DOK6: variants seen among roughly 807,000 people sequenced by gnomAD.
DOK6 encodes the protein docking protein 6, also known as downstream of tyrosine kinase 6.
DOK6 carries 22 observed loss-of-function variants against 44.0 expected under a neutral mutation model. That is an observed-to-expected ratio of 0.50 (90% CI 0.36 to 0.71). DOK6 has a LOEUF of 0.71. DOK6 is among the 30% of genes least tolerant of loss of function. The pLI is 0.00. For synonymous variants in DOK6, 166 were observed against 145.5 expected, an observed-to-expected ratio of 1.14 and a Z score of -1.01; for missense variants, 340 against 416.4, an observed-to-expected ratio of 0.82 and a Z score of 1.60.
At chr18:69,539,901 A>T (rs1982223296) in intron 1 of DOK6, among the ~76,000 whole-genome samples, 1 of 152,150 alleles carries the variant, frequency 6.6e-6, no homozygotes, top group Non-Finnish European at 1.5e-5. Context: ...ACTGGGAAAG[A>T]GGTATAATTG....
At chr18:69,726,264 C>T (rs1320438823) in intron 5 of DOK6, among the ~76,000 whole-genome samples, 7 of 152,136 alleles carry the variant, frequency 4.6e-5, no homozygotes, top group African/African-American at 1.4e-4. Flanking sequence ...CACTGAATAA[C>T]GCTCTTGTTT....
intron 6 of DOK6, among the ~76,000 whole-genome samples, chr18:69,746,010 T>G (rs1978972639): frequency 6.6e-6 from 1 of 152,160 alleles, no homozygotes; most frequent in Non-Finnish European, 1.5e-5. Context: ...ACTAAGAAAT[T>G]TAACGTTTTA....
chr18:69,758,217 ATC>A (rs1979424074), intron 7 of DOK6, among the ~76,000 whole-genome samples: 2 of 152,166 alleles, frequency 1.3e-5, no homozygotes, highest in Non-Finnish European at 2.9e-5. Flanking sequence ...CTTTTTTCGC[ATC>A]TTTTTTTCCT....
intron 1 of DOK6, among the ~76,000 whole-genome samples, chr18:69,411,133 TCAAG>T (rs542553820): frequency 3.9e-4 from 60 of 152,246 alleles, no homozygotes; most frequent in African/African-American, 1.3e-3. Context: ...AAAGTGACCA[TCAAG>T]CTGACAAGTC....
At chr18:69,771,979 A>G (rs1979898600) in intron 7 of DOK6, among the ~76,000 whole-genome samples, 1 of 151,366 alleles carries the variant, frequency 6.6e-6, no homozygotes, top group African/African-American at 2.4e-5. Context: ...AAAACATAGA[A>G]CATTCTAGGC....
At chr18:69,812,176 G>A (rs1439015952) in intron 7 of DOK6, among the ~76,000 whole-genome samples, 1 of 152,018 alleles carries the variant, frequency 6.6e-6, no homozygotes, top group Non-Finnish European at 1.5e-5. Flanking sequence ...GAATCTTAGC[G>A]TTGTCAGAGA....
chr18:69,793,783 C>G (rs971150846), intron 7 of DOK6, among the ~76,000 whole-genome samples: 1 of 151,714 alleles, frequency 6.6e-6, no homozygotes, highest in Non-Finnish European at 1.5e-5. Context: ...TTTTGCACAT[C>G]TAGAGAGAAA....
chr18:69,820,399 C>T (rs1049527671), intron 7 of DOK6, among the ~76,000 whole-genome samples: 1 of 152,130 alleles, frequency 6.6e-6, no homozygotes, highest in African/African-American at 2.4e-5. Context: ...ATAATTTTTC[C>T]TAGTAATACA....
chr18:69,743,871 T>A (rs1418853264), intron 6 of DOK6, among the ~76,000 whole-genome samples: 2 of 151,020 alleles, frequency 1.3e-5, no homozygotes, highest in Non-Finnish European at 2.9e-5. Flanking sequence ...GTAATCCCCA[T>A]CTCCTGCTCA....
chr18:69,508,703 G>T lies in DOK6; in HGVS notation c.67-55784G>T, dbSNP rs115715461. 3.4e-3 allele frequency among the ~76,000 whole-genome samples: 521 copies of T among 152,272 alleles called. 3 individuals are homozygous for T. The highest frequency in any genetic ancestry group is 0.012 in the African/African-American group (495 of 41,568). Reference sequence around the variant, plus strand: ...AAGTTTGGCACTAAGTGTATTTATGGATCTACAGCGCCATTGCATACTATA... The same window carrying T: ...AAGTTTGGCACTAAGTGTATTTATGTATCTACAGCGCCATTGCATACTATA... On this transcript the variant is annotated intron_variant, in intron 1 of 7. Coordinates refer to ENST00000382713, the MANE Select transcript of DOK6 (RefSeq NM_152721.6).
At chr18:69,433,964 T>G (rs1333809403) in intron 1 of DOK6, among the ~76,000 whole-genome samples, 1 of 152,224 alleles carries the variant, frequency 6.6e-6, no homozygotes, top group Non-Finnish European at 1.5e-5. Flanking sequence ...TGTACTAACT[T>G]TATAGCCTCA....
At chr18:69,513,630 C>A (rs1420184614) in intron 1 of DOK6, among the ~76,000 whole-genome samples, 1 of 152,156 alleles carries the variant, frequency 6.6e-6, no homozygotes, top group Non-Finnish European at 1.5e-5. Flanking sequence ...ATCTGAAAAT[C>A]TTGCATAATG....
chr18:69,766,685 GA>G (rs977950241), intron 7 of DOK6, among the ~76,000 whole-genome samples: 4 of 152,098 alleles, frequency 2.6e-5, no homozygotes, highest in African/African-American at 9.7e-5. Flanking sequence ...GGAGGAAGAG[GA>G]GAGGCTGGTC....
intron 1 of DOK6, among the ~76,000 whole-genome samples, chr18:69,452,600 C>A (rs1255349338): frequency 7.1e-6 from 1 of 141,786 alleles, no homozygotes. Flanking sequence ...TGGGCAGAGA[C>A]ACAACCAAAA....
rs1982249115 is a variant in DOK6, at chr18:69,842,326, C to T, written c.*943C>T. 1 of 152,278 alleles carries T rather than the reference C, an allele frequency of 6.6e-6. No homozygotes were observed. The highest frequency in any genetic ancestry group is 2.4e-5 in the African/African-American group (1 of 41,552). The allele number at this position is 152,278 out of a possible 1,614,324, so 9.4% of individuals were successfully genotyped here. ...CGTTTCCTTGTTGCTGACAATGTTG[C>T]TCCCTGTGGCCATCCATCTGAGCTA... On this transcript the variant is annotated 3_prime_UTR_variant, in exon 8 of 8. Coordinates refer to ENST00000382713, the MANE Select transcript of DOK6 (RefSeq NM_152721.6).
At chr18:69,466,616 A>AT (rs1231602255) in intron 1 of DOK6, among the ~76,000 whole-genome samples, 10 of 152,068 alleles carry the variant, frequency 6.6e-5, no homozygotes, top group Non-Finnish European at 1.0e-4. Context: ...TTACTATAAA[A>AT]TTTTACATAT....
intron 3 of DOK6, chr18:69,647,638 C>T (rs1490438855): frequency 3.3e-5 from 5 of 152,410 alleles, no homozygotes; most frequent in East Asian, 3.9e-4. Flanking sequence ...CTACTCCCCA[C>T]TCTGCCCAAG....
rs1978402252 is a variant in DOK6 at position 69,418,624 on chromosome 18, G to A, written c.66+17314G>A. ...CTACAGGCACGTGCCACTTTGCCCA[G>A]CTAATTTCTTTTCTTTTCTTTTTTT... is the stretch of plus-strand genomic sequence containing the variant. On this transcript the variant is annotated intron_variant, in intron 1 of 7. Coordinates refer to ENST00000382713, the MANE Select transcript of DOK6 (RefSeq NM_152721.6). Among the ~76,000 whole-genome samples the A allele has an allele frequency of 3.9e-5, 6 of 151,956 alleles. No homozygotes were observed. In the South Asian group the frequency reaches 1.0e-3, roughly 26 times the overall value.
chr18:69,497,047 T>C (rs1463948440), intron 1 of DOK6, among the ~76,000 whole-genome samples: 1 of 152,176 alleles, frequency 6.6e-6, no homozygotes, highest in Non-Finnish European at 1.5e-5. Flanking sequence ...AACGGCCTTA[T>C]GAGGTTGGTA....
Sources: gnomAD v4.1 joint callset for allele counts (sites outside exome capture counted in the v4.1 genomes callset) on GRCh38, gnomAD v4.1.1 for gene constraint, MANE v1.5 for transcripts, NCBI Gene and HGNC (gene_info 2026-07-23, HGNC 2026-07-21) for gene names.